Variants in TIAM2 observed in about 807,000 individuals in gnomAD.
TIAM2 encodes TIAM Rac1 associated GEF 2.
Under a neutral mutation model 152.9 loss-of-function variants are expected in TIAM2, and 80 were observed. The ratio of observed to expected loss-of-function variants is 0.52; its 90% confidence interval spans 0.44 to 0.63. The LOEUF is 0.63. Among genes scored for constraint, TIAM2 ranks in the 30% least tolerant of loss-of-function variants. The pLI, the probability that TIAM2 is intolerant of heterozygous loss-of-function variation, is 0.00. For missense variants in TIAM2, 1,965 were observed against 2,120.1 expected, an observed-to-expected ratio of 0.93 and a Z score of 1.44; for synonymous variants, 804 against 838.0, an observed-to-expected ratio of 0.96 and a Z score of 0.70.
At chr6:155,144,836 G>A (rs1374830566) in intron 6 of TIAM2, 58 bp downstream of exon 6, 3 of 1,517,118 alleles carry the variant, frequency 2.0e-6, no homozygotes, top group Middle Eastern at 1.7e-4. Context: ...GAATAAGAAG[G>A]AACAGAAAAG....
At chr6:155,130,784 T>G (rs1779428020) in intron 4 of TIAM2, among the ~76,000 whole-genome samples, 1 of 152,190 alleles carries the variant, frequency 6.6e-6, no homozygotes, top group Non-Finnish European at 1.5e-5. Flanking sequence ...TCTTCCTGGC[T>G]GCAGACAGCC....
intron 1 of TIAM2, among the ~76,000 whole-genome samples, chr6:155,000,480 G>C (rs886071741): frequency 7.0e-6 from 1 of 142,132 alleles, no homozygotes; most frequent in African/African-American, 2.6e-5. Context: ...GTGGTGAGCT[G>C]AGATTGCGCC....
intron 1 of TIAM2, among the ~76,000 whole-genome samples, chr6:155,063,418 C>T (rs562481773): frequency 3.3e-5 from 5 of 151,956 alleles, no homozygotes; most frequent in African/African-American, 4.8e-5. Flanking sequence ...AATATGAACA[C>T]GTACAATTAT....
intron 2 of TIAM2, among the ~76,000 whole-genome samples, chr6:155,099,193 T>TTC (rs987967394): frequency 2.4e-4 from 36 of 149,340 alleles, no homozygotes; most frequent in African/African-American, 8.1e-4. Flanking sequence ...ATGTCTCTCT[T>TTC]TCTCTCATCT....
intron 7 of TIAM2, among the ~76,000 whole-genome samples, chr6:155,151,893 G>A (rs1583216374): frequency 7.4e-6 from 1 of 135,838 alleles, no homozygotes; most frequent in African/African-American, 2.7e-5. Flanking sequence ...TGCCCAGGCT[G>A]GATTGCAATG....
Position 155,174,682 on chromosome 6 carries a change from T to G in TIAM2, c.2362-2134T>G, listed in dbSNP as rs186403873. Among the ~76,000 whole-genome samples, 3 of 152,338 alleles carry G rather than the reference T, an allele frequency of 2.0e-5. No homozygotes were observed. The highest frequency in any genetic ancestry group is 3.4e-3 in the Middle Eastern group (1 of 294). On this transcript the variant is annotated intron_variant, in intron 9 of 26. Coordinates refer to ENST00000682666, the MANE Select transcript of TIAM2 (RefSeq NM_012454.4). The surrounding 1 kb of genome is among the most constrained non-coding windows in gnomAD (Gnocchi z 4.2). ...TGGCGCCCGGCCAAGTGATACAGTC[T>G]TTCTCTGATTGTCAGTAACGGTGAG...
At chr6:155,150,428 TAAA>T (rs948824993) in intron 7 of TIAM2, among the ~76,000 whole-genome samples, 2 of 152,074 alleles carry the variant, frequency 1.3e-5, no homozygotes, top group Admixed American at 6.6e-5. Flanking sequence ...AATATGGTGT[TAAA>T]AAGTTGTTAA....
chr6:155,223,991 A>T (rs1474776632), intron 15 of TIAM2, among the ~76,000 whole-genome samples: 1 of 152,136 alleles, frequency 6.6e-6, no homozygotes, highest in East Asian at 1.9e-4. Context: ...ATATTTACCC[A>T]GGGGGGTGGG....
intron 15 of TIAM2, among the ~76,000 whole-genome samples, chr6:155,237,058 C>G (rs148820337): frequency 6.6e-6 from 1 of 152,354 alleles, no homozygotes; most frequent in African/African-American, 2.4e-5. Flanking sequence ...GAAGGCAAGT[C>G]CCTTCCACCT....
chr6:155,237,563 G>A (rs1040719995), intron 15 of TIAM2, among the ~76,000 whole-genome samples: 1 of 152,236 alleles, frequency 6.6e-6, no homozygotes, highest in African/African-American at 2.4e-5. Context: ...TGCCCCTGCA[G>A]CAAACTTCTG....
At chr6:155,146,768 A>ATTTTTTTTTTTTT (rs373361803) in intron 6 of TIAM2, among the ~76,000 whole-genome samples, 6 of 135,894 alleles carry the variant, frequency 4.4e-5, no homozygotes, top group African/African-American at 1.1e-4. Context: ...TGCCTGGCTA[A>ATTTTTTTTTTTTT]TTTTTTTTTT....
intron 5 of TIAM2, among the ~76,000 whole-genome samples, chr6:155,138,718 G>C (rs1779615738): frequency 6.6e-6 from 1 of 152,224 alleles, no homozygotes; most frequent in Middle Eastern, 3.4e-3. Context: ...AGTTTGCTGA[G>C]AATGATGGTT....
intron 9 of TIAM2, among the ~76,000 whole-genome samples, chr6:155,170,918 C>T (rs1231754451): frequency 6.6e-6 from 1 of 152,172 alleles, no homozygotes; most frequent in Non-Finnish European, 1.5e-5. Context: ...ACCCAGATAA[C>T]TAGATTCAGA....
At chr6:155,068,611 T>G (rs1481444004) in intron 1 of TIAM2, among the ~76,000 whole-genome samples, 1 of 70,942 alleles carries the variant, frequency 1.4e-5, no homozygotes, top group Non-Finnish European at 4.2e-5. Flanking sequence ...CGCCCCCCCA[T>G]CACGTCTGGC....
chr6:155,239,431 G>A (rs922583600), intron 15 of TIAM2, among the ~76,000 whole-genome samples: 1 of 152,214 alleles, frequency 6.6e-6, no homozygotes. Flanking sequence ...CAGATGGGGA[G>A]GTGGTGAAGT....
At chr6:155,146,376 G>A (rs536327122) in intron 6 of TIAM2, among the ~76,000 whole-genome samples, 1 of 152,178 alleles carries the variant, frequency 6.6e-6, no homozygotes, top group South Asian at 2.1e-4. Flanking sequence ...GTGAGACCCT[G>A]TCTTAGCAAC....
chr6:155,241,775 G>A (rs1227417147), intron 16 of TIAM2, among the ~76,000 whole-genome samples: 1 of 152,172 alleles, frequency 6.6e-6, no homozygotes, highest in Non-Finnish European at 1.5e-5. Context: ...AGGGTGTGGA[G>A]ATGAAGTGAA....
intron 15 of TIAM2, among the ~76,000 whole-genome samples, chr6:155,221,468 T>C (rs17086062): frequency 0.082 from 12,500 of 152,274 alleles, 547 homozygotes; most frequent in East Asian, 0.15. Context: ...CGTTTATTTC[T>C]GATACAGGCT....
At chr6:155,171,102 T>A (rs762069126) in intron 9 of TIAM2, among the ~76,000 whole-genome samples, 1 of 152,246 alleles carries the variant, frequency 6.6e-6, no homozygotes, top group Non-Finnish European at 1.5e-5. Context: ...ATAAGTACAT[T>A]ACGCCCATTT....
Sources: allele counts gnomAD v4.1 joint callset (sites outside exome capture counted in the v4.1 genomes callset), GRCh38; gene constraint gnomAD v4.1.1; non-coding constraint Gnocchi (gnomAD v3.1); transcripts MANE v1.5; gene names NCBI Gene and HGNC (gene_info 2026-07-23, HGNC 2026-07-21).